CEP135: variants seen among roughly 807,000 people sequenced by gnomAD.
CEP135 encodes the protein centrosomal protein of 135 kDa.
A neutral mutation model predicts 157.3 loss-of-function variants in CEP135; 142 were observed. The observed-to-expected ratio is 0.90, with a 90% CI of 0.79 to 1.04. CEP135 has a LOEUF of 1.04. Among genes scored for constraint, CEP135 ranks in the 50% least tolerant of loss-of-function variants. The pLI, the probability that CEP135 is intolerant of heterozygous loss-of-function variation, is 0.00. For synonymous variants in CEP135, 396 were observed against 439.8 expected (o/e 0.90, Z 1.25); for missense variants, 1,317 against 1,309.2 (o/e 1.01, Z -0.09).
chr4:55,999,722 T>TC (rs1368117720), intron 17 of CEP135, 77 bp downstream of exon 17: 1 of 1,410,146 alleles, frequency 7.1e-7, no homozygotes, highest in African/African-American at 1.4e-5. Flanking sequence ...AGATGGGGTC[T>TC]CACTCTGTCA....
Position 56,009,860 on chromosome 4 carries a change from GAA to G in CEP135, c.2463_2464del (p.Arg822ThrfsTer4). 6.2e-7 allele frequency: 1 copy of G among 1,613,888 alleles called. No homozygotes were observed. Among genetic ancestry groups the G allele is most frequent in the East Asian group, 2.2e-5 (1 of 44,866 alleles). ...AGAGAAATCGCTTTTAAGGAAAACA[GAA>G]GACTGCAAGATGACCTGGCTACAAT... is the stretch of plus-strand genomic sequence containing the variant. On this transcript the variant is annotated frameshift_variant, in exon 19 of 26. Transcript: ENST00000257287. LOFTEE classifies it high-confidence loss of function.
chr4:56,011,611 T>A, intron 20 of CEP135, 89 bp downstream of exon 20: 1 of 1,036,802 alleles, frequency 9.6e-7, no homozygotes, highest in East Asian at 2.6e-5. Flanking sequence ...ATATTAAACA[T>A]TTTAAAGTAG....
Position 55,953,208 on chromosome 4 carries a change from T to C in CEP135, c.237T>C (p.Ser79=). Residue 79 remains serine (S), a synonymous_variant, in exon 3 of 26, where the codon AGT becomes AGC. Coordinates refer to ENST00000257287, the MANE Select transcript of CEP135 (RefSeq NM_025009.5). Reference sequence around the variant, plus strand: ...ATAAACTTGAAAATGCAAGATTGAGTAGAGAAAATAATGAATTATACCTAG... The same window carrying C: ...ATAAACTTGAAAATGCAAGATTGAGCAGAGAAAATAATGAATTATACCTAG... ...EPYKLENARL[S]RENNELYLEL... The C allele has an allele frequency of 1.9e-6, 3 of 1,600,202 alleles. No individual in the cohort carries two copies. The highest frequency in any genetic ancestry group is 2.6e-6 in the Non-Finnish European group (3 of 1,175,736).
chr4:56,000,898 T>G (rs190229940), intron 17 of CEP135, among the ~76,000 whole-genome samples: 3 of 152,290 alleles, frequency 2.0e-5, no homozygotes, highest in African/African-American at 7.2e-5. Context: ...TGTTTCTCCA[T>G]ATCCTTTCCA....
chr4:55,987,682 C>T (rs944289357), intron 14 of CEP135, among the ~76,000 whole-genome samples: 6 of 152,152 alleles, frequency 3.9e-5, no homozygotes, highest in Non-Finnish European at 7.3e-5. Flanking sequence ...TCTATCACTC[C>T]AGCTTGACCA....
At chr4:56,017,470 T>G (rs1433083588) in intron 21 of CEP135, among the ~76,000 whole-genome samples, 178 bp from the exon 22 acceptor site, 10 of 152,210 alleles carry the variant, frequency 6.6e-5, no homozygotes, top group Non-Finnish European at 1.5e-5. Flanking sequence ...CACAATTCAT[T>G]TTGTTAAGCA....
rs1393961668 is a variant in CEP135, at chr4:55,954,225, C to T, written c.314C>T (p.Thr105Ile). Residue 105 changes from threonine to isoleucine, a missense_variant, in exon 4 of 26, where the codon ACT (threonine) becomes ATT (isoleucine). Thr to Ile is a moderately conservative substitution (Grantham distance 89, BLOSUM62 -1). Transcript: ENST00000257287. Reference protein sequence around the residue: ...HSDQHVKELKTSLKKCARETA... With the variant: ...HSDQHVKELKISLKKCARETA... ...TCTTTTTCATTTTAAGAGTTGAAAACTTCATTGAAGAAATGTGCACGTGAA... is the reference window on the plus strand; with the variant it reads ...TCTTTTTCATTTTAAGAGTTGAAAATTTCATTGAAGAAATGTGCACGTGAA... 6.3e-7 allele frequency: 1 copy of T among 1,581,148 alleles called. No homozygotes were observed. The highest frequency in any genetic ancestry group is 1.4e-5 in the African/African-American group (1 of 73,116).
chr4:56,009,609 C>A, intron 18 of CEP135, 126 bp from the exon 19 acceptor site: 1 of 753,704 alleles, frequency 1.3e-6, no homozygotes, highest in Non-Finnish European at 2.1e-6. Flanking sequence ...CTTAATGCAG[C>A]AGTTATAATT....
At chr4:56,008,824 C>A (rs1024345112) in intron 18 of CEP135, among the ~76,000 whole-genome samples, 2 of 152,156 alleles carry the variant, frequency 1.3e-5, no homozygotes, top group South Asian at 2.1e-4. Flanking sequence ...ATTTTACATA[C>A]CCTTAACATT....
chr4:55,985,647 G>A (rs917250348), intron 14 of CEP135, among the ~76,000 whole-genome samples: 4 of 151,876 alleles, frequency 2.6e-5, no homozygotes, highest in African/African-American at 7.3e-5. Flanking sequence ...TAGTAGAGAC[G>A]GGGTTTCACC....
chr4:55,987,052 G>A (rs1379125104), intron 14 of CEP135, among the ~76,000 whole-genome samples: 2 of 152,184 alleles, frequency 1.3e-5, no homozygotes, highest in African/African-American at 4.8e-5. Flanking sequence ...AAATTATATG[G>A]AAGTAGCCTG....
intron 1 of CEP135, among the ~76,000 whole-genome samples, chr4:55,950,660 T>C (rs1423522621): frequency 6.6e-6 from 1 of 151,704 alleles, no homozygotes; most frequent in Non-Finnish European, 1.5e-5. Context: ...AAAGAAATGC[T>C]CTTTGGATAA....
At chr4:55,968,455 A>G (rs1728913021) in intron 8 of CEP135, among the ~76,000 whole-genome samples, 1 of 151,800 alleles carries the variant, frequency 6.6e-6, no homozygotes, top group African/African-American at 2.4e-5. Context: ...CACCAACACA[A>G]TCTTGAAAAA....
chr4:55,992,269 A>AT (rs1729824316), intron 15 of CEP135, among the ~76,000 whole-genome samples, 184 bp downstream of exon 15: 2 of 152,192 alleles, frequency 1.3e-5, no homozygotes, highest in Non-Finnish European at 2.9e-5. Flanking sequence ...GGAGGTTCTA[A>AT]TTCACTGAGA....
At chr4:55,960,018 T>A in intron 6 of CEP135, 1 of 566,852 alleles carries the variant, frequency 1.8e-6, no homozygotes, top group South Asian at 2.5e-5. Context: ...CTTGGGAGGC[T>A]GAGGTGGGAG....
chr4:56,019,321 A>G (rs746381448), intron 22 of CEP135, 32 bp from the exon 23 acceptor site: 34 of 1,535,776 alleles, frequency 2.2e-5, no homozygotes, highest in Non-Finnish European at 2.9e-5. Context: ...TTAAAATTGT[A>G]CTGAAGTAAT....
In CEP135 at chr4:55,981,272, A is replaced by G. The variant is rs778671673; in HGVS notation, c.1672A>G (p.Thr558Ala). ...CCTAAGAAAGGAATCCACCCAAACC[A>G]CAGCACCCCATAATATTGTTAGTCT... is the stretch of plus-strand genomic sequence containing the variant. ...SALRKESTQTTAPHNIVSLME... is the reference protein window; with the variant it reads ...SALRKESTQTAAPHNIVSLME... Residue 558 changes from threonine (T) to alanine (A), a missense_variant, in exon 13 of 26, where the codon ACA becomes GCA. Transcript: ENST00000257287. 6 of 1,598,400 alleles carry G rather than the reference A, an allele frequency of 3.8e-6. No homozygotes were observed. Among genetic ancestry groups the G allele is most frequent in the Non-Finnish European group, 5.1e-6 (6 of 1,175,148 alleles).
intron 13 of CEP135, among the ~76,000 whole-genome samples, chr4:55,982,574 T>A (rs949370333): frequency 3.9e-5 from 6 of 152,222 alleles, no homozygotes; most frequent in African/African-American, 1.4e-4. Flanking sequence ...TATCCTTTTT[T>A]AGAGAAACAT....
chr4:55,999,128 G>A (rs1295705428), intron 15 of CEP135, among the ~76,000 whole-genome samples, 174 bp from the exon 16 acceptor site: 1 of 152,104 alleles, frequency 6.6e-6, no homozygotes, highest in Non-Finnish European at 1.5e-5. Flanking sequence ...AAGAATAGTG[G>A]ACAGCAAGAA....
Sources: gnomAD v4.1 joint callset for allele counts (sites outside exome capture counted in the v4.1 genomes callset) on GRCh38, gnomAD v4.1.1 for gene constraint, MANE v1.5 for transcripts, NCBI Gene and HGNC (gene_info 2026-07-23, HGNC 2026-07-21) for gene names.